STN1: variants seen among roughly 807,000 people sequenced by gnomAD.
STN1 encodes STN1 subunit of CST complex, also known as CST complex subunit STN1.
Under a neutral mutation model 45.5 loss-of-function variants are expected in STN1, and 29 were observed. The ratio of observed to expected loss-of-function variants is 0.64; its 90% confidence interval spans 0.47 to 0.87. The LOEUF is 0.87. Among genes scored for constraint, STN1 ranks in the 40% least tolerant of loss-of-function variants. The pLI is 0.00. For missense variants in STN1, 376 were observed against 441.4 expected, an observed-to-expected ratio of 0.85 and a Z score of 1.33; for synonymous variants, 148 against 159.0, an observed-to-expected ratio of 0.93 and a Z score of 0.52.
intron 2 of STN1, among the ~76,000 whole-genome samples, chr10:103,914,372 A>ATTTTTT (rs1564636185): frequency 1.2e-5 from 1 of 82,702 alleles, no homozygotes; most frequent in African/African-American, 5.7e-5. Context: ...ATATATATAT[A>ATTTTTT]TATTTTTTTT....
At chr10:103,907,749 G>A (rs889533747) in intron 3 of STN1, among the ~76,000 whole-genome samples, 13 of 151,948 alleles carry the variant, frequency 8.6e-5, no homozygotes, top group South Asian at 2.1e-4. Context: ...GACATTTTGC[G>A]TTAAAAAAAT....
At position 103,882,106 on chromosome 10, in the gene STN1, G is replaced by A. The variant is rs545805589; in HGVS notation, c.*578C>T. Reference sequence around the variant, plus strand: ...TGGATCCCTGTTTATTCCCATCTCTGGGCAGGCCTGTAAAGAGCATCGACC... The same window carrying A: ...TGGATCCCTGTTTATTCCCATCTCTAGGCAGGCCTGTAAAGAGCATCGACC... On this transcript the variant is annotated 3_prime_UTR_variant, in exon 10 of 10. Transcript: ENST00000224950. 5.3e-5 allele frequency among the ~76,000 whole-genome samples: 8 copies of A among 152,298 alleles called. No individual in the cohort carries two copies. The South Asian group carries it at 1.7e-3, about 32-fold the overall frequency.
intron 4 of STN1, among the ~76,000 whole-genome samples, chr10:103,904,089 G>A (rs1056051010): frequency 3.3e-5 from 5 of 151,924 alleles, no homozygotes; most frequent in African/African-American, 7.3e-5. Context: ...AAGAAGAAAC[G>A]ACTCTAAGCA....
chr10:103,883,564 C>T, intron 9 of STN1, among the ~76,000 whole-genome samples: 1 of 152,072 alleles, frequency 6.6e-6, no homozygotes, highest in Non-Finnish European at 1.5e-5. Flanking sequence ...GAGACACGAC[C>T]ATGAAACGGA....
At chr10:103,910,646 C>T (rs774716853) in intron 2 of STN1, 24 bp from the exon 3 acceptor site, 3 of 1,334,078 alleles carry the variant, frequency 2.2e-6, no homozygotes, top group Non-Finnish European at 1.1e-6. Flanking sequence ...AAAGCAAAGT[C>T]GACATAATGT....
intron 8 of STN1, among the ~76,000 whole-genome samples, chr10:103,891,668 C>T (rs1843140532): frequency 6.6e-6 from 1 of 152,294 alleles, no homozygotes; most frequent in South Asian, 2.1e-4. Flanking sequence ...GAAAAAGCCA[C>T]AGGAGCACAT....
intron 1 of STN1, 69 bp from the exon 2 acceptor site, chr10:103,917,725 G>T (rs1367295253): frequency 9.8e-7 from 1 of 1,021,296 alleles, no homozygotes; most frequent in East Asian, 2.5e-5. Flanking sequence ...CCCTGACGCT[G>T]CTCCCAGGTG....
rs751891205 is a variant in STN1 at position 103,892,123 on chromosome 10, G to A, written c.876+7C>T. On this transcript the variant is annotated splice_region_variant and intron_variant, in intron 8 of 9. Coordinates refer to ENST00000224950, the MANE Select transcript of STN1 (RefSeq NM_024928.5). ...AAAGAAAAAAAGTTAAGTTGCAAGTGTCTTACATAGTATAGGTTATCAAAA... is the reference window on the plus strand; with the variant it reads ...AAAGAAAAAAAGTTAAGTTGCAAGTATCTTACATAGTATAGGTTATCAAAA... The A allele has an allele frequency of 6.3e-7, 1 of 1,587,162 alleles. No individual in the cohort carries two copies. The highest frequency in any genetic ancestry group is 8.5e-7 in the Non-Finnish European group (1 of 1,172,558).
At chr10:103,904,345 G>A (rs1843227779) in intron 4 of STN1, among the ~76,000 whole-genome samples, 1 of 151,902 alleles carries the variant, frequency 6.6e-6, no homozygotes, top group Non-Finnish European at 1.5e-5. Flanking sequence ...GCCGGGTGTG[G>A]TGGCTCAAGC....
At chr10:103,886,736 T>C (rs895317956) in intron 9 of STN1, among the ~76,000 whole-genome samples, 1 of 152,262 alleles carries the variant, frequency 6.6e-6, no homozygotes, top group Non-Finnish European at 1.5e-5. Flanking sequence ...CACTGAGTAC[T>C]CTTCTAACTT....
chr10:103,909,416 G>GTA (rs1173223490), intron 3 of STN1, among the ~76,000 whole-genome samples: 3,302 of 45,388 alleles, frequency 0.073, 194 homozygotes, highest in Non-Finnish European at 0.13. Flanking sequence ...ATGTATATAT[G>GTA]TATATATGTA....
At chr10:103,889,345 C>T (rs1366966767) in intron 8 of STN1, among the ~76,000 whole-genome samples, 2 of 152,034 alleles carry the variant, frequency 1.3e-5, no homozygotes, top group African/African-American at 2.4e-5. Context: ...GGAGTTGGTT[C>T]ATTGGGGCAA....
rs1843231662 is a variant in STN1 at position 103,905,036 on chromosome 10, T to C, written c.295+55A>G. The C allele has an allele frequency of 5.4e-5, 80 of 1,486,766 alleles. 2 individuals are homozygous for C. The South Asian group carries it at 8.6e-4, about 16-fold the overall frequency. 92.1% of individuals were successfully genotyped at this position (1,486,766 alleles called of 1,614,324 possible). A position where few individuals can be genotyped will look rare whatever the true frequency, so the allele number is the denominator to read the frequency against. On this transcript the variant is annotated intron_variant, in intron 4 of 9. Transcript: ENST00000224950. Reference sequence around the variant, plus strand: ...CTATAGCTGTTTTGATGAACTACATTGAGTAAAATCCATTAGTTAGGTGAA... The same window carrying C: ...CTATAGCTGTTTTGATGAACTACATCGAGTAAAATCCATTAGTTAGGTGAA...
At chr10:103,916,270 G>A (rs1008112511) in intron 2 of STN1, among the ~76,000 whole-genome samples, 16 of 152,152 alleles carry the variant, frequency 1.1e-4, no homozygotes, top group Admixed American at 3.9e-4. Context: ...TCATGTCCTT[G>A]GTACCTGTTT....
Position 103,902,155 on chromosome 10 carries a change from T to C in STN1, c.296-1932A>G, listed in dbSNP as rs1277228951. ...TACTATACCCAGGGAAACAGCAACA[T>C]AGGGAGCACAGAGAACTCTGTGCAT... On this transcript the variant is annotated intron_variant, in intron 4 of 9. Coordinates refer to ENST00000224950, the MANE Select transcript of STN1 (RefSeq NM_024928.5). Among the ~76,000 whole-genome samples, 3 of 152,034 alleles carry C rather than the reference T, an allele frequency of 2.0e-5. No homozygotes were observed. In the East Asian group the frequency reaches 5.8e-4, roughly 29 times the overall value.
chr10:103,895,763 A>G (rs1843167055), intron 7 of STN1, among the ~76,000 whole-genome samples: 1 of 152,170 alleles, frequency 6.6e-6, no homozygotes, highest in Admixed American at 6.5e-5. Context: ...CAAAATCAAG[A>G]ACTTATGTTA....
At chr10:103,915,462 T>A (rs1843325148) in intron 2 of STN1, among the ~76,000 whole-genome samples, 1 of 152,174 alleles carries the variant, frequency 6.6e-6, no homozygotes, top group South Asian at 2.1e-4. Flanking sequence ...CCATGAATAA[T>A]GATGACGCTC....
intron 9 of STN1, among the ~76,000 whole-genome samples, chr10:103,886,571 C>G (rs1358500696): frequency 6.6e-6 from 1 of 152,172 alleles, no homozygotes; most frequent in Non-Finnish European, 1.5e-5. Context: ...AATCCACATA[C>G]AGATTCTATC....
At chr10:103,913,104 C>A (rs1843302565) in intron 2 of STN1, among the ~76,000 whole-genome samples, 1 of 152,180 alleles carries the variant, frequency 6.6e-6, no homozygotes, top group Non-Finnish European at 1.5e-5. Flanking sequence ...TAATAAAGAG[C>A]AAAAACACTT....
Sources: allele counts gnomAD v4.1 joint callset (sites outside exome capture counted in the v4.1 genomes callset), GRCh38; gene constraint gnomAD v4.1.1; transcripts MANE v1.5; gene names NCBI Gene and HGNC (gene_info 2026-07-23, HGNC 2026-07-21).